Variants in ATP2B2 observed in about 807,000 individuals in gnomAD.
The protein encoded by ATP2B2 is ATPase plasma membrane Ca2+ transporting 2, also known as plasma membrane calcium-transporting ATPase 2.
A neutral mutation model predicts 120.0 loss-of-function variants in ATP2B2; 15 were observed. That is an observed-to-expected ratio of 0.12 (90% CI 0.08 to 0.19). The LOEUF is 0.19. Ranked by LOEUF, ATP2B2 falls within the 10% of genes least tolerant of loss-of-function variation. The pLI is 1.00. For synonymous variants in ATP2B2, 694 were observed against 700.3 expected (o/e 0.99, Z 0.14); for missense variants, 1,045 against 1,719.8 (o/e 0.61, Z 6.94).
chr3:10,348,076 C>T (rs1213247148), intron 16 of ATP2B2, among the ~76,000 whole-genome samples: 1 of 152,078 alleles, frequency 6.6e-6, no homozygotes. Flanking sequence ...TTGGCTTCTG[C>T]AGCTCCTCTC....
At chr3:10,623,207 C>A (rs2069600553) in intron 1 of ATP2B2, among the ~76,000 whole-genome samples, 1 of 152,056 alleles carries the variant, frequency 6.6e-6, no homozygotes, top group Admixed American at 6.6e-5. Flanking sequence ...GGAGTACAGG[C>A]ACATACCACC....
At chr3:10,570,602 A>C (rs1177060115) in intron 2 of ATP2B2, among the ~76,000 whole-genome samples, 2 of 152,220 alleles carry the variant, frequency 1.3e-5, no homozygotes, top group Non-Finnish European at 1.5e-5. Flanking sequence ...CAGGGTTAAG[A>C]AGGTGGATTC....
At chr3:10,704,306 T>G (rs1377005972) in intron 1 of ATP2B2, among the ~76,000 whole-genome samples, 2 of 152,240 alleles carry the variant, frequency 1.3e-5, no homozygotes, top group Non-Finnish European at 2.9e-5. Flanking sequence ...AAGTGGCATA[T>G]GGCAGGGGCT....
intron 2 of ATP2B2, among the ~76,000 whole-genome samples, chr3:10,596,008 C>T: frequency 6.6e-6 from 1 of 151,882 alleles, no homozygotes; most frequent in East Asian, 1.9e-4. Flanking sequence ...GCCTGGAATT[C>T]TCTCCTCTCA....
intron 1 of ATP2B2, among the ~76,000 whole-genome samples, chr3:10,494,433 G>C (rs1438637): frequency 0.074 from 11,227 of 152,216 alleles, 510 homozygotes; most frequent in Middle Eastern, 0.11. Context: ...ACATAGCTCG[G>C]AAGTGTTGGG....
intron 1 of ATP2B2, among the ~76,000 whole-genome samples, chr3:10,706,353 G>A (rs1439027215): frequency 2.0e-5 from 3 of 152,194 alleles, no homozygotes; most frequent in African/African-American, 7.2e-5. Context: ...GTATGCAGAG[G>A]GGGCCTCTTC....
At chr3:10,619,640 A>G (rs1052183531) in intron 2 of ATP2B2, among the ~76,000 whole-genome samples, 8 of 152,218 alleles carry the variant, frequency 5.3e-5, no homozygotes, top group African/African-American at 1.9e-4. Context: ...CCGGCTGGAA[A>G]TAAGCCCGAA....
At chr3:10,392,573 C>A (rs942262162) in intron 5 of ATP2B2, among the ~76,000 whole-genome samples, 1 of 152,244 alleles carries the variant, frequency 6.6e-6, no homozygotes, top group Non-Finnish European at 1.5e-5. Flanking sequence ...GAGGTGGGAA[C>A]CTCTTGGGGA....
At chr3:10,538,697 A>T (rs1030007401) in intron 2 of ATP2B2, among the ~76,000 whole-genome samples, 1 of 152,234 alleles carries the variant, frequency 6.6e-6, no homozygotes, top group African/African-American at 2.4e-5. Flanking sequence ...TAAAACTCTC[A>T]ATAAATTAGG....
In ATP2B2 at chr3:10,352,465, C is replaced by T. The variant is rs559239163; in HGVS notation, c.2137-1888G>A. 3.9e-5 allele frequency among the ~76,000 whole-genome samples: 6 copies of T among 152,234 alleles called. No homozygotes were observed. The South Asian group carries it at 1.2e-3, about 32-fold the overall frequency. On this transcript the variant is annotated intron_variant, in intron 14 of 22. Coordinates refer to ENST00000360273, the MANE Select transcript of ATP2B2 (RefSeq NM_001001331.4). ...GAGGGGCAGGGTCCCAGTAAGGAGG[C>T]CTCTCTAGCTACTGGAGTTGTCTAA...
intron 2 of ATP2B2, among the ~76,000 whole-genome samples, chr3:10,554,579 A>G (rs1451689455): frequency 6.6e-6 from 1 of 152,212 alleles, no homozygotes; most frequent in Non-Finnish European, 1.5e-5. Flanking sequence ...TCTCCCCCGC[A>G]GCCTCCAGAA....
intron 1 of ATP2B2, among the ~76,000 whole-genome samples, chr3:10,692,586 T>C (rs1242007849): frequency 1.3e-5 from 2 of 152,092 alleles, no homozygotes. Context: ...CTTGAAAGGA[T>C]GGTTTATGAT....
Position 10,472,183 on chromosome 3 carries a change from A to ACAGAGACCAAAGC in ATP2B2, c.-319-22322_-319-22321insGCTTTGGTCTCTG, listed in dbSNP as rs1553612159. ...GACACAGAGGAACTGAAGCCAAGAC[A>ACAGAGACCAAAGC]CAGAGACCGAAGCAGGAAGATGGGA... is the stretch of plus-strand genomic sequence containing the variant. On this transcript the variant is annotated intron_variant, in intron 1 of 22. Transcript: ENST00000360273. Among the ~76,000 whole-genome samples, 3 of 152,002 alleles carry ACAGAGACCAAAGC rather than the reference A, an allele frequency of 2.0e-5. No individual in the cohort carries two copies. In the South Asian group the frequency reaches 6.3e-4, roughly 32 times the overall value.
In ATP2B2 at chr3:10,596,170, G is replaced by A. The variant is rs375475413; in HGVS notation, c.-415+23747C>T. Among the ~76,000 whole-genome samples the A allele has an allele frequency of 3.9e-5, 6 of 152,212 alleles. No homozygotes were observed. In the East Asian group the frequency reaches 1.2e-3, roughly 29 times the overall value. ...TCCTTCCCAGCACAGACGCCTGCCA[G>A]CACCTTAAAGACCCATTTAAAGCAG... On this transcript the variant is annotated intron_variant, in intron 2 of 21. Transcript: ENST00000646379.
intron 2 of ATP2B2, among the ~76,000 whole-genome samples, chr3:10,579,097 G>A (rs996156027): frequency 4.6e-5 from 7 of 152,212 alleles, no homozygotes; most frequent in African/African-American, 1.4e-4. Context: ...ATGTGGGAGG[G>A]ATGGGGAGGA....
chr3:10,693,883 A>C (rs1183148713), intron 1 of ATP2B2, among the ~76,000 whole-genome samples: 3 of 152,238 alleles, frequency 2.0e-5, no homozygotes, highest in Non-Finnish European at 4.4e-5. Flanking sequence ...TTCAGTGATC[A>C]TCTCTGCATA....
chr3:10,390,656 C>T (rs1397913160), intron 5 of ATP2B2, among the ~76,000 whole-genome samples: 1 of 152,174 alleles, frequency 6.6e-6, no homozygotes, highest in Non-Finnish European at 1.5e-5. Flanking sequence ...GATGCAGAAA[C>T]CAAGTCATGA....
chr3:10,548,506 T>C (rs1283517698), intron 2 of ATP2B2, among the ~76,000 whole-genome samples: 1 of 152,154 alleles, frequency 6.6e-6, no homozygotes, highest in Admixed American at 6.5e-5. Context: ...CAGCTAATGA[T>C]TGATGGGTGT....
rs1444948760 is a variant in ATP2B2, at chr3:10,606,358, G to T, written c.-415+13559C>A. 2.0e-5 allele frequency among the ~76,000 whole-genome samples: 3 copies of T among 152,166 alleles called. No homozygotes were observed. In the East Asian group the frequency reaches 5.8e-4, roughly 29 times the overall value. The stretch of plus-strand genomic sequence containing the variant: ...AATGCATGTCAAGAGCCTGGCTTGT[G>T]TTTAATAGATGGTGGCAATGACTCT... On this transcript the variant is annotated intron_variant, in intron 2 of 21. Coordinates refer to the ATP2B2 transcript ENST00000646379.
Sources: allele counts gnomAD v4.1 joint callset (sites outside exome capture counted in the v4.1 genomes callset), GRCh38; gene constraint gnomAD v4.1.1; transcripts MANE v1.5; gene names NCBI Gene and HGNC (gene_info 2026-07-23, HGNC 2026-07-21).